C14orf132: variants seen among roughly 807,000 people sequenced by gnomAD.
The protein encoded by C14orf132 is chromosome 14 open reading frame 132.
C14orf132 carries 6 observed loss-of-function variants against 5.8 expected under a neutral mutation model. The observed-to-expected ratio is 1.03, with a 90% CI of 0.57 to 2.04. The LOEUF (loss-of-function observed/expected upper bound fraction) is 2.04, where lower values mean the gene tolerates loss of function less well. Among genes scored for constraint, C14orf132 ranks in the 30% most tolerant of loss-of-function variants. The pLI, the probability that C14orf132 is intolerant of heterozygous loss-of-function variation, is 0.00. For synonymous variants in C14orf132, 51 were observed against 49.8 expected, an observed-to-expected ratio of 1.02 and a Z score of -0.10; for missense variants, 125 against 115.8, an observed-to-expected ratio of 1.08 and a Z score of -0.37.
chr14:96,079,641 C>G (rs1023292944), intron 1 of C14orf132, among the ~76,000 whole-genome samples: 6 of 151,926 alleles, frequency 3.9e-5, no homozygotes, highest in African/African-American at 1.5e-4. Flanking sequence ...GGATGGTATT[C>G]AAATCTGTCC....
chr14:96,058,833 C>T (rs1466022953), intron 1 of C14orf132, among the ~76,000 whole-genome samples: 4 of 152,242 alleles, frequency 2.6e-5, no homozygotes, highest in African/African-American at 9.6e-5. Flanking sequence ...AGCTCGGGGG[C>T]TATCTCCTGT....
At chr14:96,042,394 C>T (rs1886716558) in intron 1 of C14orf132, among the ~76,000 whole-genome samples, 1 of 152,082 alleles carries the variant, frequency 6.6e-6, no homozygotes, top group South Asian at 2.1e-4. Flanking sequence ...TGAAGCAGTC[C>T]CTTGGGAAAA....
chr14:96,046,427 G>A (rs1886832880), intron 1 of C14orf132, among the ~76,000 whole-genome samples: 1 of 152,170 alleles, frequency 6.6e-6, no homozygotes, highest in Non-Finnish European at 1.5e-5. Flanking sequence ...AAGCCCAGTA[G>A]AAAAGTCACT....
chr14:96,040,490 G>C (rs1303820308), intron 1 of C14orf132: 3 of 388,734 alleles, frequency 7.7e-6, no homozygotes, highest in Non-Finnish European at 9.1e-6. Flanking sequence ...TGTGTGGCAG[G>C]GACCCCATCT....
intron 1 of C14orf132, among the ~76,000 whole-genome samples, chr14:96,082,897 G>A (rs1375135695): frequency 6.6e-6 from 1 of 152,172 alleles, no homozygotes; most frequent in Non-Finnish European, 1.5e-5. Flanking sequence ...ACTTATAGAA[G>A]GGAAATTGAG....
intron 1 of C14orf132, among the ~76,000 whole-genome samples, chr14:96,049,596 A>G (rs1443757207): frequency 7.7e-6 from 1 of 130,628 alleles, no homozygotes; most frequent in Non-Finnish European, 1.6e-5. Context: ...ATATACATAT[A>G]TACGTATATA....
chr14:96,060,547 C>T (rs554461970), intron 1 of C14orf132, among the ~76,000 whole-genome samples: 3 of 152,288 alleles, frequency 2.0e-5, no homozygotes, highest in East Asian at 3.9e-4. Context: ...CCCTCATTCT[C>T]GTGCTACCAT....
chr14:96,083,446 G>A (rs936306494), intron 1 of C14orf132, among the ~76,000 whole-genome samples: 2 of 152,214 alleles, frequency 1.3e-5, no homozygotes, highest in African/African-American at 4.8e-5. Flanking sequence ...AAAGGACTTT[G>A]CAGGTGTGAT....
At chr14:96,041,299 A>G (rs1886688687) in intron 1 of C14orf132, among the ~76,000 whole-genome samples, 1 of 152,206 alleles carries the variant, frequency 6.6e-6, no homozygotes, top group South Asian at 2.1e-4. Context: ...TTACAAGTCC[A>G]TGACGGAGGC....
chr14:96,080,349 T>C (rs1170791441), intron 1 of C14orf132, among the ~76,000 whole-genome samples: 1 of 152,144 alleles, frequency 6.6e-6, no homozygotes, highest in African/African-American at 2.4e-5. Flanking sequence ...AACTTTAAAA[T>C]TCATAGCCCA....
chr14:96,066,944 G>C (rs901755068), intron 1 of C14orf132, among the ~76,000 whole-genome samples: 1 of 152,178 alleles, frequency 6.6e-6, no homozygotes. Context: ...GGTAGATCTA[G>C]AGTTTGATTT....
chr14:96,090,142 C>T lies in C14orf132; in HGVS notation c.*3407C>T, dbSNP rs929240089. The T allele has an allele frequency of 7.5e-5, 12 of 160,210 alleles. No homozygotes were observed. The highest frequency in any genetic ancestry group is 2.5e-4 in the Admixed American group (4 of 16,096). The allele number at this position is 160,210 out of a possible 1,614,324, so 9.9% of individuals were successfully genotyped here. A position where few individuals can be genotyped will look rare whatever the true frequency, so the allele number is the denominator to read the frequency against. On this transcript the variant is annotated 3_prime_UTR_variant, in exon 2 of 2. Transcript: ENST00000555004. Reference sequence around the variant, plus strand: ...TAGGCTGGGTGCAGTGACTCACACCCGTAATCCCGGCACTTTGGGAGGCCG... The same window carrying T: ...TAGGCTGGGTGCAGTGACTCACACCTGTAATCCCGGCACTTTGGGAGGCCG...
intron 1 of C14orf132, among the ~76,000 whole-genome samples, chr14:96,082,080 T>A (rs573170129): frequency 2.0e-5 from 3 of 152,330 alleles, no homozygotes; most frequent in African/African-American, 7.2e-5. Flanking sequence ...CTCTGTCTTC[T>A]GCACAGTAGC....
Position 96,089,254 on chromosome 14 carries a change from T to G in C14orf132, c.*2519T>G, listed in dbSNP as rs2139689606. ...TAGCAGTTTGGAAAGGGGAAAAAGA[T>G]GCCGGTCCTCACTGCTTAAGTTTTG... is the stretch of plus-strand genomic sequence containing the variant. On this transcript the variant is annotated 3_prime_UTR_variant, in exon 2 of 2. Transcript: ENST00000555004. 1 of 152,436 alleles carries G rather than the reference T, an allele frequency of 6.6e-6. No individual in the cohort carries two copies. The highest frequency in any genetic ancestry group is 1.9e-4 in the East Asian group (1 of 5,186). The allele number at this position is 152,436 out of a possible 1,614,324, so 9.4% of individuals were successfully genotyped here. A position where few individuals can be genotyped will look rare whatever the true frequency, so the allele number is the denominator to read the frequency against.
At chr14:96,068,894 T>G (rs1887614456) in intron 1 of C14orf132, among the ~76,000 whole-genome samples, 1 of 151,958 alleles carries the variant, frequency 6.6e-6, no homozygotes, top group Non-Finnish European at 1.5e-5. Flanking sequence ...AAGCAGATGA[T>G]CCTCTCCAAT....
rs74086032 is a variant in C14orf132 at position 96,053,430 on chromosome 14, C to T, written c.27+13903C>T. On this transcript the variant is annotated intron_variant, in intron 1 of 1. Transcript: ENST00000555004. ...CTGCTGTCTGCTCACTTCTGTGTCC[C>T]GGCAGCCATGCAGAGAGGTGCCCAG... 6.0e-3 allele frequency among the ~76,000 whole-genome samples: 907 copies of T among 152,316 alleles called. 3 individuals carry two copies. The highest frequency in any genetic ancestry group is 0.02 in the African/African-American group (824 of 41,568).
chr14:96,077,129 G>A (rs1393119732), intron 1 of C14orf132, among the ~76,000 whole-genome samples: 2 of 152,194 alleles, frequency 1.3e-5, no homozygotes, highest in Non-Finnish European at 2.9e-5. Flanking sequence ...GTTGTCAGGT[G>A]GAAGGTTCAG....
chr14:96,077,127 G>C (rs554685045), intron 1 of C14orf132, among the ~76,000 whole-genome samples: 6 of 152,326 alleles, frequency 3.9e-5, no homozygotes, highest in South Asian at 4.1e-4. Context: ...CTGTTGTCAG[G>C]TGGAAGGTTC....
chr14:96,049,590 ACATATATACG>A (rs1886954114), intron 1 of C14orf132, among the ~76,000 whole-genome samples: 1 of 137,292 alleles, frequency 7.3e-6, no homozygotes, highest in Non-Finnish European at 1.6e-5. Context: ...GTATATATAT[ACATATATACG>A]TATATATATA....
Sources: allele counts gnomAD v4.1 joint callset (sites outside exome capture counted in the v4.1 genomes callset), GRCh38; gene constraint gnomAD v4.1.1; transcripts MANE v1.5; gene names NCBI Gene and HGNC (gene_info 2026-07-23, HGNC 2026-07-21).